The following COL17A1 variants were observed in gnomAD, a reference collection of about 807,000 sequenced individuals.
COL17A1 encodes the protein collagen type XVII alpha 1 chain, also known as collagen alpha-1(XVII) chain.
In COL17A1, 181 loss-of-function variants were observed where a neutral mutation model predicts 218.4. That is an observed-to-expected ratio of 0.83 (90% confidence interval 0.73 to 0.94). The LOEUF is 0.94. Ranked by LOEUF, COL17A1 falls within the 40% of genes least tolerant of loss-of-function variation. The pLI, the probability that COL17A1 is intolerant of heterozygous loss-of-function variation, is 0.00. For missense variants in COL17A1, 1,924 were observed against 1,945.9 expected (o/e 0.99, Z 0.21); for synonymous variants, 721 against 731.0 (o/e 0.99, Z 0.22).
At chr10:104,074,782 C>A (rs547305289) in intron 5 of COL17A1, among the ~76,000 whole-genome samples, 1 of 152,234 alleles carries the variant, frequency 6.6e-6, no homozygotes, top group Admixed American at 6.5e-5. Flanking sequence ...GTCTGCTGTG[C>A]GTGTGGGATG....
At chr10:104,068,276 G>C (rs891192478) in intron 9 of COL17A1, among the ~76,000 whole-genome samples, 1 of 67,814 alleles carries the variant, frequency 1.5e-5, no homozygotes, top group African/African-American at 4.5e-5. Context: ...AGAATAAAGA[G>C]GCATCAAATC....
In COL17A1 at chr10:104,043,816, C is replaced by A. The variant is rs774455643; in HGVS notation, c.2434+9G>T. On this transcript the variant is annotated intron_variant, in intron 34 of 55. Transcript: ENST00000648076. The stretch of plus-strand genomic sequence containing the variant: ...CACAGAAAGGAGGGTCCCTCTAGGA[C>A]CTGCCTACCCGAAGTCACGATCTTG... 1.2e-6 allele frequency: 2 copies of A among 1,613,968 alleles called. No homozygotes were observed. Among genetic ancestry groups the A allele is most frequent in the Non-Finnish European group, 1.7e-6 (2 of 1,180,002 alleles).
chr10:104,070,065 A>G (rs2086656925), intron 9 of COL17A1, among the ~76,000 whole-genome samples: 1 of 152,166 alleles, frequency 6.6e-6, no homozygotes, highest in Admixed American at 6.5e-5. Context: ...CTAACACACA[A>G]AAGAAGACCT....
At chr10:104,055,675 G>T in intron 18 of COL17A1, 107 bp downstream of exon 18, 1 of 1,472,928 alleles carries the variant, frequency 6.8e-7, no homozygotes, top group Non-Finnish European at 9.3e-7. Flanking sequence ...GAGAGAGGCC[G>T]AGAGTGGGCC....
intron 28 of COL17A1, 66 bp from the exon 29 acceptor site, chr10:104,049,537 C>A: frequency 1.3e-6 from 2 of 1,530,574 alleles, no homozygotes; most frequent in South Asian, 2.2e-5. Flanking sequence ...CAATGGTGGT[C>A]TGCTCCCTCC....
chr10:104,033,391 G>A lies in COL17A1; in HGVS notation c.4157-16C>T. 1 of 1,608,912 alleles carries A rather than the reference G, an allele frequency of 6.2e-7. No homozygotes were observed. The highest frequency in any genetic ancestry group is 8.5e-7 in the Non-Finnish European group (1 of 1,178,072). On this transcript the variant is annotated splice_polypyrimidine_tract_variant and intron_variant, in intron 52 of 55. Transcript: ENST00000648076. The stretch of plus-strand genomic sequence containing the variant: ...AGGCCCTGACCTGTAAAACACCAGA[G>A]CTTGGGCACAGGAAGCAGGGATCTC...
intron 28 of COL17A1, among the ~76,000 whole-genome samples, chr10:104,049,813 C>A (rs1395068922): frequency 1.3e-5 from 2 of 152,322 alleles, no homozygotes; most frequent in Admixed American, 6.5e-5. Flanking sequence ...TCGGGAAGAG[C>A]TTAATTTTCT....
chr10:104,038,420 G>A lies in COL17A1; in HGVS notation c.3056C>T (p.Ser1019Phe). The A allele has an allele frequency of 1.9e-6, 3 of 1,613,996 alleles. No individual in the cohort carries two copies. The highest frequency in any genetic ancestry group is 2.5e-6 in the Non-Finnish European group (3 of 1,180,020). ...CAGCTACTCACTCTGCATGTACTCAGAGATGTACTGCTGAATCTCCTGGCC... is the reference window on the plus strand; with the variant it reads ...CAGCTACTCACTCTGCATGTACTCAAAGATGTACTGCTGAATCTCCTGGCC... Reference protein sequence around the residue: ...SSGQEIQQYISEYMQSDSIRS... With the variant: ...SSGQEIQQYIFEYMQSDSIRS... The change falls in exon 45 of 56, where the codon TCT (serine) becomes TTT (phenylalanine). Residue 1019 changes from serine (S) to phenylalanine (F), a missense_variant. By Grantham distance (155) the Ser-to-Phe change is radical. Coordinates refer to ENST00000648076, the MANE Select transcript of COL17A1 (RefSeq NM_000494.4).
At chr10:104,067,334 T>TAAAAAAAAAAAA (rs58260510) in intron 9 of COL17A1, among the ~76,000 whole-genome samples, 1 of 110,428 alleles carries the variant, frequency 9.1e-6, no homozygotes, top group Non-Finnish European at 1.7e-5. Flanking sequence ...GGCTCAGGAA[T>TAAAAAAAAAAAA]AAAAAAAAAA....
rs1844688659 is a variant in COL17A1, at chr10:104,031,896, C to T, written c.*339G>A. ...CATATTTAGGTAAAGCTCTAAGACT[C>T]CTGAGCCAACTTTTATGTAACTGGC... is the stretch of plus-strand genomic sequence containing the variant. On this transcript the variant is annotated 3_prime_UTR_variant, in exon 56 of 56. Coordinates refer to ENST00000648076, the MANE Select transcript of COL17A1 (RefSeq NM_000494.4). 2.5e-6 allele frequency: 1 copy of T among 401,352 alleles called. No individual in the cohort carries two copies. Among genetic ancestry groups the T allele is most frequent in the Non-Finnish European group, 4.6e-6 (1 of 215,412 alleles). The allele number at this position is 401,352 out of a possible 1,614,324, so 24.9% of individuals were successfully genotyped here. A position where few individuals can be genotyped will look rare whatever the true frequency, so the allele number is the denominator to read the frequency against.
At chr10:104,069,017 A>G (rs974492834) in intron 9 of COL17A1, among the ~76,000 whole-genome samples, 3 of 152,354 alleles carry the variant, frequency 2.0e-5, no homozygotes, top group Middle Eastern at 3.4e-3. Flanking sequence ...TGTGTGATGC[A>G]ATACTAAAAA....
At chr10:104,034,372 C>G (rs1317415604) in intron 51 of COL17A1, 38 bp from the exon 52 acceptor site, 2 of 1,532,484 alleles carry the variant, frequency 1.3e-6, no homozygotes, top group Non-Finnish European at 1.7e-6. Context: ...GAGCTCAGAT[C>G]TCGGTGGAGA....
At chr10:104,059,878 G>A (rs2086566416) in intron 14 of COL17A1, among the ~76,000 whole-genome samples, 160 bp from the exon 15 acceptor site, 1 of 152,172 alleles carries the variant, frequency 6.6e-6, no homozygotes, top group Non-Finnish European at 1.5e-5. Flanking sequence ...CCTGATCTGT[G>A]TTTGCGGTTA....
chr10:104,062,693 T>C (rs2086593858), intron 11 of COL17A1, among the ~76,000 whole-genome samples: 1 of 152,200 alleles, frequency 6.6e-6, no homozygotes, highest in Admixed American at 6.5e-5. Context: ...GTGTGGGAAC[T>C]GTAAGCTTAG....
rs1420848496 is a variant in COL17A1 at position 104,062,272 on chromosome 10, G to A, written c.896C>T (p.Thr299Ile). The A allele has an allele frequency of 3.7e-6, 6 of 1,614,226 alleles. No individual in the cohort carries two copies. The highest frequency in any genetic ancestry group is 3.3e-5 in the South Asian group (3 of 91,084). Residue 299 changes from threonine to isoleucine, a missense_variant, in exon 12 of 56, where the codon ACC becomes ATC. By Grantham distance (89) the Thr-to-Ile change is moderately conservative. Transcript: ENST00000648076. ...AGCCTACTGACCTGTGGAAGTGGTGGTGGTGCCATGGGACAGGGTGGTCAA... is the reference window on the plus strand; with the variant it reads ...AGCCTACTGACCTGTGGAAGTGGTGATGGTGCCATGGGACAGGGTGGTCAA... ...PSLTTLSHGT[T>I]TTSTAYGVKK...
chr10:104,058,219 T>A, intron 15 of COL17A1, 29 bp from the exon 16 acceptor site: 1 of 1,614,054 alleles, frequency 6.2e-7, no homozygotes, highest in Non-Finnish European at 8.5e-7. Context: ...TGACCTGAGC[T>A]TTTAAACTGG....
At chr10:104,077,308 C>T in intron 4 of COL17A1, 114 bp downstream of exon 4, 1 of 805,856 alleles carries the variant, frequency 1.2e-6, no homozygotes, top group South Asian at 1.4e-5. Context: ...GTAATTGTCC[C>T]TTTTGTGCAC....
chr10:104,063,587 G>C, intron 11 of COL17A1, 160 bp downstream of exon 11: 1 of 1,152,890 alleles, frequency 8.7e-7, no homozygotes, highest in Middle Eastern at 2.6e-4. Flanking sequence ...CTTGGGGTCT[G>C]AGTTCTCCCT....
intron 15 of COL17A1, 138 bp downstream of exon 15, chr10:104,059,500 C>G (rs1012498159): frequency 3.2e-5 from 25 of 782,478 alleles, no homozygotes; most frequent in Non-Finnish European, 5.4e-5. Context: ...TGGGATCCTG[C>G]TTTTATAACA....
Sources: allele counts gnomAD v4.1 joint callset (sites outside exome capture counted in the v4.1 genomes callset), GRCh38; gene constraint gnomAD v4.1.1; transcripts MANE v1.5; gene names NCBI Gene and HGNC (gene_info 2026-07-23, HGNC 2026-07-21).